RTN4RL1: variants seen among roughly 807,000 people sequenced by gnomAD.
The protein encoded by RTN4RL1 is reticulon 4 receptor like 1, also known as reticulon-4 receptor-like 1.
RTN4RL1 carries 7 observed loss-of-function variants against 25.6 expected under a neutral mutation model. The ratio of observed to expected loss-of-function variants is 0.27; its 90% CI spans 0.16 to 0.51. The LOEUF (loss-of-function observed/expected upper bound fraction) is 0.51. Among genes scored for constraint, RTN4RL1 ranks in the 20% least tolerant of loss-of-function variants. The probability of loss-of-function intolerance (pLI) is 0.97; values close to 1 mark genes in which losing one functional copy is unlikely to be tolerated. For synonymous variants in RTN4RL1, 297 were observed against 288.2 expected (o/e 1.03, Z -0.31); for missense variants, 500 against 615.6 (o/e 0.81, Z 1.99).
Position 2,024,889 on chromosome 17 carries a change from G to T in RTN4RL1, c.-24C>A. ...ATGTTGGCCACGGGGCCGCCGCTCC[G>T]AGGTCGGCCTAGGCGCACTCCCTCC... On this transcript the variant is annotated 5_prime_UTR_variant, in exon 1 of 2. Coordinates refer to ENST00000331238, the MANE Select transcript of RTN4RL1 (RefSeq NM_178568.4). The T allele has an allele frequency of 1.9e-6, 3 of 1,582,834 alleles. No homozygotes were observed. The highest frequency in any genetic ancestry group is 2.6e-6 in the Non-Finnish European group (3 of 1,165,356).
chr17:1,936,981 G>A lies in RTN4RL1; in HGVS notation c.841C>T (p.Pro281Ser). 6.2e-7 allele frequency: 1 copy of A among 1,606,096 alleles called. No homozygotes were observed. The highest frequency in any genetic ancestry group is 8.5e-7 in the Non-Finnish European group (1 of 1,178,504). ...TGCCGCAGCCCAGGGGACACACAGG[G>A]GACAGCGGAGCTGGAGCCCCGGAAC... Reference protein sequence around the residue: ...QRFRGSSSAVPCVSPGLRHGQ... With the variant: ...QRFRGSSSAVSCVSPGLRHGQ... The change falls in exon 2 of 2, where the codon CCC (proline) becomes TCC (serine). Residue 281 changes from proline (P) to serine (S), a missense_variant. By Grantham distance (74) the Pro-to-Ser change is moderately conservative. Around this residue, in one of 2 missense-constraint regions of RTN4RL1, gnomAD observed 268 missense variants for 274.5 expected, o/e 0.98. Coordinates refer to ENST00000331238, the MANE Select transcript of RTN4RL1 (RefSeq NM_178568.4).
chr17:2,014,751 G>C (rs541757371), intron 1 of RTN4RL1, among the ~76,000 whole-genome samples: 1 of 151,882 alleles, frequency 6.6e-6, no homozygotes, highest in East Asian at 1.9e-4. Context: ...AGAATCGCTT[G>C]AATCTGGGAG....
chr17:1,987,718 GACACAC>G (rs59658751), intron 1 of RTN4RL1, among the ~76,000 whole-genome samples: 20,461 of 144,840 alleles, frequency 0.14, 1,526 homozygotes, highest in Admixed American at 0.18. Context: ...TGAGTTCAGG[GACACAC>G]ACACACACAC....
In RTN4RL1 at chr17:1,936,118, G is replaced by A. The variant is rs535864570; in HGVS notation, c.*378C>T. 1.7e-4 allele frequency: 178 copies of A among 1,037,280 alleles called. No individual in the cohort carries two copies. In the Middle Eastern group the frequency reaches 2.8e-3, roughly 16 times the overall value. The allele number at this position is 1,037,280 out of a possible 1,614,324, so 64.3% of individuals were successfully genotyped here. On this transcript the variant is annotated 3_prime_UTR_variant, in exon 2 of 2. Transcript: ENST00000331238. ...GCGTCCTGCTTTCTCCAGGAACCAC[G>A]GGGCCCTCCAGACCTCTCGGAACGA...
chr17:1,973,530 A>G (rs2066829667), intron 1 of RTN4RL1, among the ~76,000 whole-genome samples: 1 of 150,568 alleles, frequency 6.6e-6, no homozygotes, highest in African/African-American at 2.4e-5. Flanking sequence ...AAAAAAAAAA[A>G]GCAATCCCAG....
chr17:1,991,479 AAG>A (rs2066908841), intron 1 of RTN4RL1, among the ~76,000 whole-genome samples: 1 of 151,148 alleles, frequency 6.6e-6, no homozygotes, highest in African/African-American at 2.4e-5. Flanking sequence ...AAAAACTTCA[AAG>A]AACACAAAAG....
intron 1 of RTN4RL1, among the ~76,000 whole-genome samples, chr17:1,947,528 C>G (rs1006920807): frequency 2.6e-5 from 4 of 152,240 alleles, no homozygotes; most frequent in African/African-American, 9.6e-5. Context: ...TATGTACCCA[C>G]TCCAGGTCCC....
intron 1 of RTN4RL1, among the ~76,000 whole-genome samples, chr17:1,973,139 C>T (rs1259372147): frequency 6.6e-6 from 1 of 151,480 alleles, no homozygotes; most frequent in Non-Finnish European, 1.5e-5. Context: ...GAGGCAGGCA[C>T]ATCACTCGAG....
intron 1 of RTN4RL1, among the ~76,000 whole-genome samples, chr17:1,974,560 G>A (rs2066834688): frequency 6.6e-6 from 1 of 152,156 alleles, no homozygotes; most frequent in South Asian, 2.1e-4. Flanking sequence ...CATCCACAGG[G>A]ATAGTAAATA....
intron 1 of RTN4RL1, among the ~76,000 whole-genome samples, chr17:2,015,207 G>A (rs73294207): frequency 0.01 from 1,550 of 152,286 alleles, 23 homozygotes; most frequent in African/African-American, 0.035. Flanking sequence ...CACGGAGGGT[G>A]TGGGAAGGGC....
chr17:1,962,347 C>A (rs1362651440), intron 1 of RTN4RL1, among the ~76,000 whole-genome samples: 1 of 151,618 alleles, frequency 6.6e-6, no homozygotes, highest in East Asian at 1.9e-4. Flanking sequence ...AGACTAGTTA[C>A]CAGTTTTCTT....
chr17:1,948,505 C>A (rs1046915300), intron 1 of RTN4RL1, among the ~76,000 whole-genome samples: 3 of 152,186 alleles, frequency 2.0e-5, no homozygotes, highest in Admixed American at 6.5e-5. Flanking sequence ...GCCCCTCCCC[C>A]AAAGCTACAG....
intron 1 of RTN4RL1, among the ~76,000 whole-genome samples, chr17:1,969,749 G>A (rs1340614854): frequency 6.6e-6 from 1 of 152,134 alleles, no homozygotes; most frequent in African/African-American, 2.4e-5. Context: ...TTCCACATGT[G>A]TAACAAACCA....
intron 1 of RTN4RL1, among the ~76,000 whole-genome samples, chr17:1,961,863 G>A (rs993618352): frequency 3.4e-5 from 5 of 147,674 alleles, no homozygotes; most frequent in East Asian, 2.0e-4. Context: ...CAGGAGAATC[G>A]CTCGAACCCG....
intron 1 of RTN4RL1, among the ~76,000 whole-genome samples, chr17:1,957,886 AAAGT>A (rs1915822963): frequency 6.6e-6 from 1 of 150,484 alleles, no homozygotes; most frequent in African/African-American, 2.5e-5. Flanking sequence ...ACAAACAAAC[AAAGT>A]GAGATGGTGG....
intron 1 of RTN4RL1, among the ~76,000 whole-genome samples, chr17:1,948,123 C>T (rs140578496): frequency 2.0e-5 from 3 of 152,298 alleles, no homozygotes; most frequent in Non-Finnish European, 4.4e-5. Context: ...TATCAGATGC[C>T]GAGAAGGGGC....
intron 1 of RTN4RL1, among the ~76,000 whole-genome samples, chr17:1,941,504 G>T (rs1454041288): frequency 6.6e-6 from 1 of 152,134 alleles, no homozygotes; most frequent in Non-Finnish European, 1.5e-5. Context: ...TGTATCAGGG[G>T]CCTGGGGCGG....
At chr17:1,979,011 G>T (rs772592787) in intron 1 of RTN4RL1, among the ~76,000 whole-genome samples, 2 of 152,250 alleles carry the variant, frequency 1.3e-5, no homozygotes, top group Admixed American at 6.5e-5. Flanking sequence ...TGAGGCCAAC[G>T]CCTGTAATCC....
intron 1 of RTN4RL1, among the ~76,000 whole-genome samples, chr17:1,963,885 GC>G (rs1201011795): frequency 6.6e-6 from 1 of 152,044 alleles, no homozygotes; most frequent in Non-Finnish European, 1.5e-5. Context: ...GCGCCACCAC[GC>G]CCGGCTCATT....
Sources: allele counts gnomAD v4.1 joint callset (sites outside exome capture counted in the v4.1 genomes callset), GRCh38; gene constraint gnomAD v4.1.1; regional missense constraint gnomAD v4.1.1; transcripts MANE v1.5; gene names NCBI Gene and HGNC (gene_info 2026-07-23, HGNC 2026-07-21).